The following RNF4 variants were observed in gnomAD, a reference collection of about 807,000 sequenced individuals.
RNF4 encodes the protein ring finger protein 4, also known as E3 ubiquitin-protein ligase RNF4.
In RNF4, 7 loss-of-function variants were observed where a neutral mutation model predicts 24.3. That is an observed-to-expected ratio of 0.29 (90% confidence interval 0.16 to 0.54). The LOEUF (loss-of-function observed/expected upper bound fraction) is 0.54. Among genes scored for constraint, RNF4 ranks in the 20% least tolerant of loss-of-function variants. The probability of loss-of-function intolerance (pLI) is 0.95; values close to 1 mark genes in which losing one functional copy is unlikely to be tolerated. For synonymous variants in RNF4, 83 were observed against 84.3 expected, an observed-to-expected ratio of 0.98 and a Z score of 0.09; for missense variants, 209 against 248.5, an observed-to-expected ratio of 0.84 and a Z score of 1.07.
chr4:2,509,006 C>T (rs1022454520), intron 4 of RNF4, among the ~76,000 whole-genome samples: 10 of 150,838 alleles, frequency 6.6e-5, no homozygotes, highest in African/African-American at 2.4e-4. Context: ...GCAGCCTCCA[C>T]CTCCCGGGCT....
chr4:2,500,482 G>T (rs922034154), intron 3 of RNF4, among the ~76,000 whole-genome samples, 177 bp from the exon 4 acceptor site: 6 of 152,216 alleles, frequency 3.9e-5, no homozygotes, highest in Non-Finnish European at 8.8e-5. Context: ...TGGAAGGGTG[G>T]TTACTGGCTT....
At chr4:2,488,386 C>G (rs1284970769) in intron 1 of RNF4, among the ~76,000 whole-genome samples, 1 of 152,150 alleles carries the variant, frequency 6.6e-6, no homozygotes, top group Non-Finnish European at 1.5e-5. Flanking sequence ...TCACTTGAAC[C>G]TGGGAGGTGG....
At chr4:2,510,608 G>T (rs757054258) in intron 4 of RNF4, among the ~76,000 whole-genome samples, 1 of 152,228 alleles carries the variant, frequency 6.6e-6, no homozygotes, top group Non-Finnish European at 1.5e-5. Context: ...CTCGGTTCAC[G>T]TCTAGGATCC....
chr4:2,511,932 T>C (rs1736279988), intron 4 of RNF4, 24 bp from the exon 5 acceptor site: 2 of 1,598,376 alleles, frequency 1.3e-6, no homozygotes, highest in Non-Finnish European at 1.7e-6. Flanking sequence ...CTTTCTCTTT[T>C]GTTTTTCTCC....
intron 3 of RNF4, among the ~76,000 whole-genome samples, 185 bp from the exon 4 acceptor site, chr4:2,500,474 G>T (rs541216860): frequency 6.6e-6 from 1 of 152,226 alleles, no homozygotes; most frequent in South Asian, 2.1e-4. Context: ...CAGAATTCTG[G>T]AAGGGTGGTT....
At chr4:2,475,232 C>T (rs563971164) in intron 1 of RNF4, among the ~76,000 whole-genome samples, 4 of 152,338 alleles carry the variant, frequency 2.6e-5, no homozygotes, top group South Asian at 2.1e-4. Context: ...TTGGTGCGAT[C>T]GTAACTCACT....
At chr4:2,495,640 G>GGC (rs1491319459) in intron 2 of RNF4, among the ~76,000 whole-genome samples, 3 of 26,004 alleles carry the variant, frequency 1.2e-4, no homozygotes, top group South Asian at 1.4e-3. Context: ...TTTTTTTTTT[G>GGC]GGGGGGGGTG....
At chr4:2,496,044 G>C (rs544361861) in intron 2 of RNF4, among the ~76,000 whole-genome samples, 104 of 152,340 alleles carry the variant, frequency 6.8e-4, no homozygotes, top group African/African-American at 2.4e-3. Context: ...TTGGAAGAAA[G>C]GCTGGTCAGA....
At chr4:2,482,059 TTGG>T (rs779502827) in intron 1 of RNF4, among the ~76,000 whole-genome samples, 1 of 152,162 alleles carries the variant, frequency 6.6e-6, no homozygotes, top group Non-Finnish European at 1.5e-5. Context: ...GGCTAGCCCT[TTGG>T]TGACAGCTTG....
intron 1 of RNF4, among the ~76,000 whole-genome samples, chr4:2,488,551 G>T (rs528261657): frequency 7.9e-5 from 12 of 152,330 alleles, no homozygotes; most frequent in Admixed American, 3.3e-4. Context: ...TCACTGGGAA[G>T]GTTTATTTGG....
chr4:2,475,809 C>T (rs1239161699), intron 1 of RNF4, among the ~76,000 whole-genome samples: 1 of 152,170 alleles, frequency 6.6e-6, no homozygotes, highest in Non-Finnish European at 1.5e-5. Context: ...CCCCATTTTA[C>T]TCTTCCTGAG....
chr4:2,505,719 CTGCCT>C (rs1736077738), intron 4 of RNF4: 1 of 116,586 alleles, frequency 8.6e-6, no homozygotes, highest in Non-Finnish European at 1.7e-5. Flanking sequence ...CAATCATGGT[CTGCCT>C]TTTTTTTTTT....
At chr4:2,483,447 A>G (rs1248050645) in intron 1 of RNF4, among the ~76,000 whole-genome samples, 1 of 152,230 alleles carries the variant, frequency 6.6e-6, no homozygotes, top group African/African-American at 2.4e-5. Context: ...CAAGAGGCTC[A>G]TATTTCTTCT....
chr4:2,504,848 T>G (rs1187695037), intron 4 of RNF4, among the ~76,000 whole-genome samples: 2 of 148,520 alleles, frequency 1.3e-5, no homozygotes, highest in Non-Finnish European at 3.0e-5. Context: ...TTCTCCTGCC[T>G]CAGCCTATTG....
chr4:2,494,492 C>T (rs1468043129), intron 2 of RNF4: 1 of 151,774 alleles, frequency 6.6e-6, no homozygotes, highest in African/African-American at 2.4e-5. Flanking sequence ...ATTCTCCTGC[C>T]GCAGCCTCCC....
Position 2,513,096 on chromosome 4 carries a change from G to A in RNF4, c.388G>A (p.Val130Ile). ...GATGLRPSGT[V>I]SCPICMDGYS... ...CTGTGCTCTTAGGCCCTCAGGTACT[G>A]TCAGTTGTCCCATCTGCATGGACGG... Residue 130 changes from valine (V) to isoleucine (I), a missense_variant, in exon 7 of 8, where the codon GTC becomes ATC. Coordinates refer to ENST00000314289, the MANE Select transcript of RNF4 (RefSeq NM_002938.5). 1 of 1,613,950 alleles carries A rather than the reference G, an allele frequency of 6.2e-7. No individual in the cohort carries two copies. The highest frequency in any genetic ancestry group is 2.2e-5 in the East Asian group (1 of 44,892).
At chr4:2,477,041 C>T (rs377441425) in intron 1 of RNF4, among the ~76,000 whole-genome samples, 4 of 152,154 alleles carry the variant, frequency 2.6e-5, no homozygotes, top group South Asian at 4.1e-4. Context: ...CTCAGCCTCC[C>T]AAAGTGCTGG....
chr4:2,505,478 ACC>A (rs1736059719), intron 4 of RNF4: 5 of 151,642 alleles, frequency 3.3e-5, no homozygotes, highest in African/African-American at 1.2e-4. Flanking sequence ...GGTGCCCGCC[ACC>A]ACACCCGGCT....
chr4:2,472,638 A>G (rs1212707479), intron 1 of RNF4, among the ~76,000 whole-genome samples: 1 of 152,074 alleles, frequency 6.6e-6, no homozygotes, highest in Non-Finnish European at 1.5e-5. Context: ...GGGGGAAAGA[A>G]AGAAATGCAT....
Sources: gnomAD v4.1 joint callset for allele counts (sites outside exome capture counted in the v4.1 genomes callset) on GRCh38, gnomAD v4.1.1 for gene constraint, MANE v1.5 for transcripts, NCBI Gene and HGNC (gene_info 2026-07-23, HGNC 2026-07-21) for gene names.